Variants in AGBL4 observed in about 807,000 individuals in gnomAD.
AGBL4 encodes AGBL carboxypeptidase 4.
AGBL4 carries 58 observed loss-of-function variants against 66.4 expected under a neutral mutation model. That is an observed-to-expected ratio of 0.87 (90% CI 0.71 to 1.09). AGBL4 has a LOEUF of 1.09. AGBL4 is among the 50% of genes least tolerant of loss of function. The pLI is 0.00. For missense variants in AGBL4, 579 were observed against 631.0 expected, an observed-to-expected ratio of 0.92 and a Z score of 0.88; for synonymous variants, 234 against 222.9, an observed-to-expected ratio of 1.05 and a Z score of -0.44.
chr1:48,699,940 T>TTA (rs35066041), intron 6 of AGBL4, among the ~76,000 whole-genome samples: 122,450 of 146,222 alleles, frequency 0.84, 53,377 homozygotes, highest in East Asian at 0.98. Flanking sequence ...TAAATATACA[T>TTA]TATATATATA....
In AGBL4 at chr1:49,012,574, G is replaced by C. The variant is rs568125602; in HGVS notation, c.594+33010C>G. Among the ~76,000 whole-genome samples the C allele has an allele frequency of 1.1e-4, 17 of 152,282 alleles. 1 individual carries two copies. In the South Asian group the frequency reaches 3.1e-3, roughly 28 times the overall value. ...GCTCTAGAAAATAGGCCTATTCCCA[G>C]AGAAGAGTCCTCAAAACTGTTGTGG... On this transcript the variant is annotated intron_variant, in intron 5 of 13. Coordinates refer to ENST00000371839, the MANE Select transcript of AGBL4 (RefSeq NM_032785.4).
chr1:49,827,952 G>A (rs1175841659), intron 2 of AGBL4, among the ~76,000 whole-genome samples: 1 of 152,138 alleles, frequency 6.6e-6, no homozygotes, highest in Admixed American at 6.5e-5. Context: ...AGGGACACTA[G>A]TAAAATGTCT....
At chr1:48,985,897 C>A (rs1356407918) in intron 5 of AGBL4, among the ~76,000 whole-genome samples, 1 of 151,782 alleles carries the variant, frequency 6.6e-6, no homozygotes. Flanking sequence ...TTAGCATTAG[C>A]AGAAAAAGAC....
At chr1:49,916,180 TC>T (rs1261974352) in intron 1 of AGBL4, among the ~76,000 whole-genome samples, 1 of 152,070 alleles carries the variant, frequency 6.6e-6, no homozygotes, top group Admixed American at 6.6e-5. Flanking sequence ...TGAGCGCCCC[TC>T]CCCTTCAAAA....
At position 49,768,889 on chromosome 1, in the gene AGBL4, G is replaced by A. The variant is rs896186902; in HGVS notation, c.158-71452C>T. Among the ~76,000 whole-genome samples the A allele has an allele frequency of 3.0e-4, 46 of 150,872 alleles. 1 individual carries two copies. The highest frequency in any genetic ancestry group is 9.7e-4 in the African/African-American group (40 of 41,064). On this transcript the variant is annotated intron_variant, in intron 2 of 13. Coordinates refer to ENST00000371839, the MANE Select transcript of AGBL4 (RefSeq NM_032785.4). ...TTTTGAGATGGAGTCTCACTCTGTC[G>A]CCAGGCTGGAGTGCAGTGGCGCGAT...
chr1:49,975,582 G>A (rs1658488714), intron 1 of AGBL4, among the ~76,000 whole-genome samples: 1 of 152,110 alleles, frequency 6.6e-6, no homozygotes, highest in African/African-American at 2.4e-5. Context: ...GACTCTTGAG[G>A]TTTGCACGCT....
At chr1:49,000,577 G>A (rs946670970) in intron 5 of AGBL4, among the ~76,000 whole-genome samples, 10 of 151,956 alleles carry the variant, frequency 6.6e-5, no homozygotes, top group Non-Finnish European at 4.4e-5. Context: ...TTTTTATATT[G>A]CTTTAAATAA....
chr1:49,317,378 T>C (rs1226574709), intron 3 of AGBL4, among the ~76,000 whole-genome samples: 3 of 151,928 alleles, frequency 2.0e-5, no homozygotes, highest in Non-Finnish European at 4.4e-5. Flanking sequence ...AGTGAGACAA[T>C]GAATGTCAAG....
At chr1:48,930,275 G>A (rs1345300529) in intron 5 of AGBL4, among the ~76,000 whole-genome samples, 1 of 151,988 alleles carries the variant, frequency 6.6e-6, no homozygotes, top group Non-Finnish European at 1.5e-5. Flanking sequence ...GCCATCTGGA[G>A]AAATTTTCTA....
chr1:49,914,092 C>G (rs1651139619), intron 1 of AGBL4, among the ~76,000 whole-genome samples: 2 of 152,156 alleles, frequency 1.3e-5, no homozygotes, highest in Admixed American at 6.5e-5. Flanking sequence ...ATTTCCTGGC[C>G]ACACCATTGT....
At chr1:48,534,807 T>G in intron 13 of AGBL4, 83 bp downstream of exon 13, 1 of 1,385,276 alleles carries the variant, frequency 7.2e-7, no homozygotes, top group Non-Finnish European at 1.0e-6. Context: ...ATAACAAGGC[T>G]GCCAGAATAG....
At chr1:49,191,847 TTATC>T (rs1647126567) in intron 4 of AGBL4, among the ~76,000 whole-genome samples, 1 of 152,226 alleles carries the variant, frequency 6.6e-6, no homozygotes, top group Non-Finnish European at 1.5e-5. Context: ...CACATTTTCT[TTATC>T]TAATCCATCA....
intron 1 of AGBL4, among the ~76,000 whole-genome samples, chr1:49,917,420 C>CA (rs1651663308): frequency 6.6e-6 from 1 of 151,884 alleles, no homozygotes; most frequent in East Asian, 1.9e-4. Flanking sequence ...CAAAAAAAGG[C>CA]AGGGTTTGCA....
At chr1:49,209,543 A>G (rs1366658097) in intron 4 of AGBL4, among the ~76,000 whole-genome samples, 2 of 152,128 alleles carry the variant, frequency 1.3e-5, no homozygotes, top group Admixed American at 6.6e-5. Context: ...TATGGGAAGA[A>G]CAAAGTTTAG....
intron 5 of AGBL4, among the ~76,000 whole-genome samples, chr1:48,948,119 T>C (rs1656677321): frequency 1.3e-5 from 2 of 152,190 alleles, no homozygotes; most frequent in Admixed American, 1.3e-4. Context: ...ATTTGGATCA[T>C]CTCTTTTCAC....
rs569212208 is a variant in AGBL4 at position 48,592,127 on chromosome 1, G to A, written c.952-1142C>T. On this transcript the variant is annotated intron_variant, in intron 9 of 13. Transcript: ENST00000371839. ...CCTTTCTGAGAATAAGGGAAGACTC[G>A]CATGGGGAGGGGACTTGACCAAGCT... Among the ~76,000 whole-genome samples, 12 of 152,260 alleles carry A rather than the reference G, an allele frequency of 7.9e-5. No individual in the cohort carries two copies. In the East Asian group the frequency reaches 1.4e-3, roughly 17 times the overall value.
At chr1:49,491,557 A>T (rs1489279493) in intron 3 of AGBL4, among the ~76,000 whole-genome samples, 2 of 152,074 alleles carry the variant, frequency 1.3e-5, no homozygotes, top group African/African-American at 4.8e-5. Flanking sequence ...AGGAATTACC[A>T]TGATTCAAAA....
intron 5 of AGBL4, among the ~76,000 whole-genome samples, chr1:48,929,929 G>C (rs906694294): frequency 3.3e-5 from 5 of 152,148 alleles, no homozygotes; most frequent in Non-Finnish European, 7.4e-5. Flanking sequence ...TCCAGGCTTA[G>C]GCCTCCTGGG....
At chr1:49,460,896 G>C (rs1226871652) in intron 3 of AGBL4, among the ~76,000 whole-genome samples, 1 of 151,660 alleles carries the variant, frequency 6.6e-6, no homozygotes, top group Non-Finnish European at 1.5e-5. Flanking sequence ...GCTAATAATT[G>C]TTTTGTTTTA....
Sources: gnomAD v4.1 joint callset for allele counts (sites outside exome capture counted in the v4.1 genomes callset) on GRCh38, gnomAD v4.1.1 for gene constraint, MANE v1.5 for transcripts, NCBI Gene and HGNC (gene_info 2026-07-23, HGNC 2026-07-21) for gene names.